CREB5: variants seen among roughly 807,000 people sequenced by gnomAD.
CREB5 encodes the protein cAMP responsive element binding protein 5, also known as cyclic AMP-responsive element-binding protein 5.
In CREB5, 19 loss-of-function variants were observed where a neutral mutation model predicts 57.1. The observed-to-expected ratio is 0.33, with a 90% confidence interval of 0.23 to 0.49. The LOEUF is 0.49. Among genes scored for constraint, CREB5 ranks in the 20% least tolerant of loss-of-function variants. The probability of loss-of-function intolerance (pLI) is 0.99; values close to 1 mark genes in which losing one functional copy is unlikely to be tolerated. For synonymous variants in CREB5, 238 were observed against 238.3 expected (o/e 1.00, Z 0.01); for missense variants, 579 against 671.6 (o/e 0.86, Z 1.52).
chr7:28,665,289 T>C (rs561181391), intron 5 of CREB5, among the ~76,000 whole-genome samples: 2 of 152,218 alleles, frequency 1.3e-5, no homozygotes, highest in South Asian at 2.1e-4. Flanking sequence ...ACAGCCCAGC[T>C]AAAAGGGCCA....
At chr7:28,373,856 A>G (rs1786765332) in intron 1 of CREB5, among the ~76,000 whole-genome samples, 2 of 151,924 alleles carry the variant, frequency 1.3e-5, no homozygotes, top group Non-Finnish European at 2.9e-5. Context: ...TAATATTCAT[A>G]AAATGCCGCC....
intron 5 of CREB5, among the ~76,000 whole-genome samples, chr7:28,594,608 C>G (rs964998469): frequency 1.3e-5 from 2 of 152,154 alleles, no homozygotes; most frequent in Non-Finnish European, 2.9e-5. Context: ...AGACGGTGGA[C>G]ACATCGTGTG....
intron 4 of CREB5, among the ~76,000 whole-genome samples, chr7:28,544,254 G>T (rs1427405582): frequency 1.3e-5 from 2 of 152,056 alleles, no homozygotes; most frequent in Non-Finnish European, 2.9e-5. Context: ...CTGGCACATG[G>T]CCGGGGCTTT....
At chr7:28,438,178 A>G (rs1351089963) in intron 1 of CREB5, among the ~76,000 whole-genome samples, 1 of 152,192 alleles carries the variant, frequency 6.6e-6, no homozygotes, top group Non-Finnish European at 1.5e-5. Context: ...CCAAGAGTAG[A>G]TATTGCTTAA....
intron 4 of CREB5, among the ~76,000 whole-genome samples, chr7:28,538,505 G>T (rs143140015): frequency 1.3e-5 from 2 of 151,888 alleles, no homozygotes; most frequent in Non-Finnish European, 2.9e-5. Context: ...CTTTCACGAC[G>T]TTGCTAGGGG....
intron 1 of CREB5, among the ~76,000 whole-genome samples, chr7:28,377,366 T>C (rs1786853848): frequency 6.6e-6 from 1 of 152,140 alleles, no homozygotes; most frequent in South Asian, 2.1e-4. Flanking sequence ...ATAATATTTT[T>C]GATATATTGG....
intron 9 of CREB5, among the ~76,000 whole-genome samples, chr7:28,817,559 C>A (rs1399817121): frequency 6.6e-6 from 1 of 152,232 alleles, no homozygotes; most frequent in Non-Finnish European, 1.5e-5. Context: ...GCCTCATATT[C>A]ACATTCTCAA....
At chr7:28,304,627 A>G (rs573001953) in intron 1 of CREB5, among the ~76,000 whole-genome samples, 1 of 152,308 alleles carries the variant, frequency 6.6e-6, no homozygotes, top group African/African-American at 2.4e-5. Context: ...ATGCATAAAG[A>G]TGAATGTTTT....
At chr7:28,787,047 C>A (rs1807370543) in intron 7 of CREB5, among the ~76,000 whole-genome samples, 1 of 152,188 alleles carries the variant, frequency 6.6e-6, no homozygotes, top group Admixed American at 6.5e-5. Context: ...TAGCGACGGC[C>A]TGGATAACAC....
At chr7:28,524,137 T>C (rs922020969) in intron 4 of CREB5, among the ~76,000 whole-genome samples, 4 of 152,212 alleles carry the variant, frequency 2.6e-5, no homozygotes, top group African/African-American at 7.2e-5. Flanking sequence ...TTTCTACCTC[T>C]GAAGTAAGAT....
At chr7:28,782,192 G>GT (rs1807028035) in intron 7 of CREB5, among the ~76,000 whole-genome samples, 1 of 152,154 alleles carries the variant, frequency 6.6e-6, no homozygotes, top group Non-Finnish European at 1.5e-5. Flanking sequence ...TGGAAATACA[G>GT]TAAGAGTGTT....
intron 1 of CREB5, among the ~76,000 whole-genome samples, chr7:28,387,475 C>T (rs6973277): frequency 0.86 from 131,253 of 152,062 alleles, 57,107 homozygotes; most frequent in Middle Eastern, 0.95. Flanking sequence ...TGTTGGATAT[C>T]AGACCTTTGT....
At chr7:28,327,182 A>G (rs916767918) in intron 1 of CREB5, among the ~76,000 whole-genome samples, 8 of 148,634 alleles carry the variant, frequency 5.4e-5, no homozygotes, top group Non-Finnish European at 1.2e-4. Context: ...AACCGTATTT[A>G]GTAGATTTTA....
chr7:28,632,188 C>G (rs1583450505), intron 5 of CREB5, among the ~76,000 whole-genome samples: 1 of 152,198 alleles, frequency 6.6e-6, no homozygotes, highest in African/African-American at 2.4e-5. Flanking sequence ...TCCCCCTACA[C>G]CAAAATTGTA....
At chr7:28,718,093 G>C (rs1235644837) in intron 5 of CREB5, among the ~76,000 whole-genome samples, 1 of 152,206 alleles carries the variant, frequency 6.6e-6, no homozygotes, top group Non-Finnish European at 1.5e-5. Flanking sequence ...CAGTTTCTGT[G>C]AAACAGCCTA....
At chr7:28,731,606 C>A (rs973877349) in intron 7 of CREB5, among the ~76,000 whole-genome samples, 24 of 152,308 alleles carry the variant, frequency 1.6e-4, no homozygotes, top group African/African-American at 5.8e-4. Context: ...AGAATTAGAA[C>A]CCAGGTTCCT....
At chr7:28,808,935 T>A (rs918834222) in intron 8 of CREB5, among the ~76,000 whole-genome samples, 1 of 152,280 alleles carries the variant, frequency 6.6e-6, no homozygotes. Flanking sequence ...GAAAAATCCA[T>A]CTGACTACAT....
intron 5 of CREB5, among the ~76,000 whole-genome samples, chr7:28,696,815 C>T (rs28673839): frequency 0.015 from 2,202 of 151,450 alleles, 59 homozygotes; most frequent in African/African-American, 0.051. Flanking sequence ...TATACACATA[C>T]GTATACGTAT....
In CREB5 at chr7:28,821,382, G is replaced by A. The variant is rs1809762410; in HGVS notation, c.*2103G>A. 6.6e-6 allele frequency: 1 copy of A among 151,176 alleles called. No homozygotes were observed. Among genetic ancestry groups the A allele is most frequent in the Admixed American group, 6.6e-5 (1 of 15,166 alleles). 9.4% of individuals were successfully genotyped at this position (151,176 alleles called of 1,614,324 possible). On this transcript the variant is annotated 3_prime_UTR_variant, in exon 11 of 11. Coordinates refer to ENST00000357727, the MANE Select transcript of CREB5 (RefSeq NM_182898.4). ...ATTTATCAACAATCTTTCCTTGTAT[G>A]CAGTGCTTTCAAAAGATGGTTTTGA...
Sources: allele counts gnomAD v4.1 joint callset (sites outside exome capture counted in the v4.1 genomes callset), GRCh38; gene constraint gnomAD v4.1.1; transcripts MANE v1.5; gene names NCBI Gene and HGNC (gene_info 2026-07-23, HGNC 2026-07-21).